The following ZNF385D variants were observed in gnomAD, a reference collection of about 807,000 sequenced individuals.
The protein encoded by ZNF385D is zinc finger protein 385D, also known as zinc finger protein 659.
Under a neutral mutation model 35.8 loss-of-function variants are expected in ZNF385D, and 15 were observed. The observed-to-expected ratio is 0.42, with a 90% CI of 0.28 to 0.64. The LOEUF is 0.64. Ranked by LOEUF, ZNF385D falls within the 30% of genes least tolerant of loss-of-function variation. The probability of loss-of-function intolerance (pLI) is 0.23; values close to 1 mark genes in which losing one functional copy is unlikely to be tolerated. For missense variants in ZNF385D, 474 were observed against 494.6 expected, an observed-to-expected ratio of 0.96 and a Z score of 0.39; for synonymous variants, 212 against 186.8, an observed-to-expected ratio of 1.13 and a Z score of -1.10.
At chr3:21,845,901 C>T (rs1244989816) in intron 3 of ZNF385D, among the ~76,000 whole-genome samples, 1 of 151,902 alleles carries the variant, frequency 6.6e-6, no homozygotes, top group African/African-American at 2.4e-5. Context: ...AAAAGAGGCT[C>T]CCAGAGCAAA....
At chr3:22,151,614 T>C (rs1028853879) in intron 3 of ZNF385D, among the ~76,000 whole-genome samples, 2 of 152,094 alleles carry the variant, frequency 1.3e-5, no homozygotes, top group African/African-American at 4.8e-5. Flanking sequence ...TTGAGGAAAG[T>C]CAGTGTTTGC....
At chr3:21,525,150 A>G (rs1708147275) in intron 3 of ZNF385D, among the ~76,000 whole-genome samples, 1 of 152,204 alleles carries the variant, frequency 6.6e-6, no homozygotes, top group South Asian at 2.1e-4. Context: ...AAGCACCTCC[A>G]GCTTCTAAAT....
chr3:21,836,198 G>T, intron 3 of ZNF385D, among the ~76,000 whole-genome samples: 1 of 151,892 alleles, frequency 6.6e-6, no homozygotes, highest in East Asian at 1.9e-4. Flanking sequence ...AACTGCTTTG[G>T]TCTATAAACA....
intron 3 of ZNF385D, among the ~76,000 whole-genome samples, chr3:21,973,858 AAAAC>A (rs780982083): frequency 6.6e-6 from 1 of 151,886 alleles, no homozygotes; most frequent in African/African-American, 2.4e-5. Flanking sequence ...ATCTGGGAAT[AAAAC>A]AAAAAAGGTG....
chr3:22,345,635 A>T (rs1695624003), intron 2 of ZNF385D, among the ~76,000 whole-genome samples: 1 of 152,236 alleles, frequency 6.6e-6, no homozygotes. Flanking sequence ...AAAATAAAGC[A>T]GCTAGGTACA....
At chr3:21,732,438 G>T (rs562264671) in intron 1 of ZNF385D, among the ~76,000 whole-genome samples, 2 of 152,208 alleles carry the variant, frequency 1.3e-5, no homozygotes, top group South Asian at 4.2e-4. Flanking sequence ...ATGGTAAAAA[G>T]AAGTTTAGTT....
intron 4 of ZNF385D, among the ~76,000 whole-genome samples, chr3:21,475,703 A>G (rs1171860494): frequency 6.6e-6 from 1 of 152,144 alleles, no homozygotes; most frequent in Non-Finnish European, 1.5e-5. Context: ...TGTCAGGCCC[A>G]TTAACTCTTT....
chr3:21,524,619 C>G (rs1708115803), intron 3 of ZNF385D, among the ~76,000 whole-genome samples: 1 of 152,008 alleles, frequency 6.6e-6, no homozygotes. Context: ...CTCTAGAGGC[C>G]AAATTCATAA....
chr3:22,129,349 T>C (rs6767041), intron 3 of ZNF385D, among the ~76,000 whole-genome samples: 30,434 of 152,090 alleles, frequency 0.2, 3,345 homozygotes, highest in East Asian at 0.42. Context: ...CTGAGTTTGT[T>C]CAAGGCCCAA....
intron 2 of ZNF385D, among the ~76,000 whole-genome samples, chr3:22,305,726 G>C (rs983414248): frequency 3.9e-5 from 6 of 152,112 alleles, no homozygotes; most frequent in African/African-American, 1.4e-4. Flanking sequence ...AGCCTAGGAA[G>C]TATATTTCTA....
intron 3 of ZNF385D, among the ~76,000 whole-genome samples, chr3:21,878,831 T>C (rs577126603): frequency 6.6e-6 from 1 of 152,218 alleles, no homozygotes; most frequent in East Asian, 1.9e-4. Context: ...TATTTTCAAC[T>C]ATATATCACA....
At chr3:21,565,368 C>T (rs1278006088) in intron 2 of ZNF385D, among the ~76,000 whole-genome samples, 1 of 151,998 alleles carries the variant, frequency 6.6e-6, no homozygotes, top group Non-Finnish European at 1.5e-5. Context: ...GTCAGCAATC[C>T]AGCTCTGATA....
At chr3:21,452,728 G>A (rs750426720) in intron 4 of ZNF385D, among the ~76,000 whole-genome samples, 8 of 151,848 alleles carry the variant, frequency 5.3e-5, no homozygotes, top group Non-Finnish European at 1.0e-4. Flanking sequence ...AAATGGAAAG[G>A]CAGCCCATGT....
At chr3:21,640,459 C>A (rs927269046) in intron 2 of ZNF385D, among the ~76,000 whole-genome samples, 8 of 152,028 alleles carry the variant, frequency 5.3e-5, no homozygotes, top group South Asian at 2.1e-4. Flanking sequence ...GCCCTAACTT[C>A]CAGTGTTATG....
chr3:22,145,422 C>A (rs1386500233), intron 3 of ZNF385D, among the ~76,000 whole-genome samples: 2 of 152,236 alleles, frequency 1.3e-5, no homozygotes, highest in Non-Finnish European at 2.9e-5. Flanking sequence ...AGTCTCCTCT[C>A]TTCATACACC....
At chr3:22,140,617 A>G (rs1478774978) in intron 3 of ZNF385D, among the ~76,000 whole-genome samples, 1 of 152,220 alleles carries the variant, frequency 6.6e-6, no homozygotes, top group Non-Finnish European at 1.5e-5. Flanking sequence ...ATAAAGTACT[A>G]TGGTTTTATA....
At chr3:22,244,694 T>C (rs1699680187) in intron 2 of ZNF385D, among the ~76,000 whole-genome samples, 1 of 151,156 alleles carries the variant, frequency 6.6e-6, no homozygotes, top group South Asian at 2.2e-4. Context: ...TGCAACTCTA[T>C]GCTGAATTTA....
chr3:21,995,205 C>CA (rs1576111167), intron 3 of ZNF385D, among the ~76,000 whole-genome samples: 6 of 152,316 alleles, frequency 3.9e-5, no homozygotes, highest in Admixed American at 6.5e-5. Flanking sequence ...CTCAGGCCTC[C>CA]AGGTAGCATA....
chr3:21,688,741 T>C (rs758975338), intron 1 of ZNF385D, among the ~76,000 whole-genome samples: 16 of 152,296 alleles, frequency 1.1e-4, no homozygotes, highest in Non-Finnish European at 2.1e-4. Flanking sequence ...GAAAACTAAA[T>C]ACCAAGCTCT....
Sources: gnomAD v4.1 joint callset for allele counts (sites outside exome capture counted in the v4.1 genomes callset) on GRCh38, gnomAD v4.1.1 for gene constraint, MANE v1.5 for transcripts, NCBI Gene and HGNC (gene_info 2026-07-23, HGNC 2026-07-21) for gene names.